The following SIN3B variants were observed in gnomAD, a reference collection of about 807,000 sequenced individuals.
The protein encoded by SIN3B is paired amphipathic helix protein Sin3b.
Under a neutral mutation model 120.2 loss-of-function variants are expected in SIN3B, and 19 were observed. The observed-to-expected ratio is 0.16, with a 90% CI of 0.11 to 0.23. The LOEUF is 0.23. SIN3B is among the 10% of genes least tolerant of loss of function. The pLI is 1.00. For missense variants in SIN3B, 1,073 were observed against 1,573.0 expected, an observed-to-expected ratio of 0.68 and a Z score of 5.38; for synonymous variants, 654 against 653.2, an observed-to-expected ratio of 1.00 and a Z score of -0.02.
At chr19:16,843,123 A>C (rs971597625) in intron 4 of SIN3B, among the ~76,000 whole-genome samples, 1 of 151,836 alleles carries the variant, frequency 6.6e-6, no homozygotes, top group African/African-American at 2.4e-5. Context: ...TTTGAAACAG[A>C]ATCTTGCGCT....
chr19:16,829,645 C>T lies in SIN3B; in HGVS notation c.120+105C>T, dbSNP rs1451286642. 5 of 1,275,424 alleles carry T rather than the reference C, an allele frequency of 3.9e-6. No homozygotes were observed. The African/African-American group carries it at 7.5e-5, about 19-fold the overall frequency. The allele number at this position is 1,275,424 out of a possible 1,614,324, so 79.0% of individuals were successfully genotyped here. ...CGGCCCCAGCCCCACCTCGGCCTCC[C>T]CTCTGCACTGCCCCGGACCCCTCAC... On this transcript the variant is annotated intron_variant, in intron 1 of 18. Coordinates refer to ENST00000248054, the MANE Select transcript of SIN3B (RefSeq NM_001297595.2).
chr19:16,869,986 G>A lies in SIN3B; in HGVS notation c.2333G>A (p.Arg778Gln), dbSNP rs939720992. 7.4e-6 allele frequency: 12 copies of A among 1,614,018 alleles called. No homozygotes were observed. The highest frequency in any genetic ancestry group is 3.3e-5 in the South Asian group (3 of 91,078). Residue 778 changes from arginine (R) to glutamine (Q), a missense_variant, in exon 13 of 19, where the codon CGG becomes CAG. Physicochemically the swap from Arg to Gln is conservative, Grantham distance 43. Coordinates refer to ENST00000248054, the MANE Select transcript of SIN3B (RefSeq NM_001297595.2). ...GCGCAGAAGCAGCTTCTGGAGTATC[G>A]GACCGAGAAGGAGCGGGAGAAGCTG... ...RQAQKQLLEYRTEKEREKLLC... is the reference protein window; with the variant it reads ...RQAQKQLLEYQTEKEREKLLC...
chr19:16,877,936 G>A (rs1398292465), intron 17 of SIN3B, among the ~76,000 whole-genome samples: 1 of 152,212 alleles, frequency 6.6e-6, no homozygotes, highest in Non-Finnish European at 1.5e-5. Flanking sequence ...CCAGGCCAGA[G>A]GCGGGTGGCT....
chr19:16,847,137 A>G, intron 5 of SIN3B, 24 bp downstream of exon 5: 3 of 1,597,850 alleles, frequency 1.9e-6, no homozygotes, highest in Non-Finnish European at 8.6e-7. Context: ...GCCCCTGCCC[A>G]GCCTCGGGGG....
At chr19:16,829,621 G>A in intron 1 of SIN3B, 81 bp downstream of exon 1, 1 of 737,978 alleles carries the variant, frequency 1.4e-6, no homozygotes, top group Non-Finnish European at 1.6e-6. Context: ...GGCCCCGCCC[G>A]GCCCCAGCCC....
In SIN3B at chr19:16,876,543, G is replaced by C. The variant is rs769666253; in HGVS notation, c.2824G>C (p.Glu942Gln). 1 of 1,613,462 alleles carries C rather than the reference G, an allele frequency of 6.2e-7. No homozygotes were observed. The highest frequency in any genetic ancestry group is 8.5e-7 in the Non-Finnish European group (1 of 1,179,894). Reference sequence around the variant, plus strand: ...CATGACCATCGAGCTCCTGGACACCGAGGAGGCCCAGACGGAGGACCCTGT... The same window carrying C: ...CATGACCATCGAGCTCCTGGACACCCAGGAGGCCCAGACGGAGGACCCTGT... Reference protein sequence around the residue: ...VIMTIELLDTEEAQTEDPVEV... With the variant: ...VIMTIELLDTQEAQTEDPVEV... Residue 942 changes from glutamate to glutamine, a missense_variant, in exon 16 of 19, where the codon GAG (glutamate) becomes CAG (glutamine). Around this residue, in one of 7 missense-constraint regions of SIN3B, gnomAD observed 311 missense variants for 400.3 expected, o/e 0.78. Transcript: ENST00000248054. The surrounding 1 kb of genome is among the most constrained non-coding windows in gnomAD (Gnocchi z 7.1).
At chr19:16,839,623 G>A (rs1356006117) in intron 3 of SIN3B, among the ~76,000 whole-genome samples, 1 of 152,040 alleles carries the variant, frequency 6.6e-6, no homozygotes, top group East Asian at 1.9e-4. Flanking sequence ...TGCTCGTTCC[G>A]ACCCCTTCTG....
chr19:16,857,543 GTGTGTGTGTGTA>G (rs1971632750), intron 8 of SIN3B, among the ~76,000 whole-genome samples: 1 of 142,508 alleles, frequency 7.0e-6, no homozygotes, highest in Non-Finnish European at 1.5e-5. Flanking sequence ...GTGTGTGTGT[GTGTGTGTGTGTA>G]TATATACACA....
intron 5 of SIN3B, among the ~76,000 whole-genome samples, chr19:16,850,314 A>C (rs1971528353): frequency 6.6e-6 from 1 of 152,174 alleles, no homozygotes; most frequent in African/African-American, 2.4e-5. Flanking sequence ...CATTCTTCTC[A>C]GAGGTTAGCA....
intron 3 of SIN3B, among the ~76,000 whole-genome samples, chr19:16,839,205 G>A (rs894037186): frequency 1.3e-5 from 2 of 151,662 alleles, no homozygotes; most frequent in African/African-American, 4.8e-5. Context: ...TGACTTCAAG[G>A]GATCTGTCCA....
At chr19:16,859,901 ACT>A in intron 8 of SIN3B, among the ~76,000 whole-genome samples, 1 of 151,826 alleles carries the variant, frequency 6.6e-6, no homozygotes, top group South Asian at 2.1e-4. Flanking sequence ...TGGAATTGGG[ACT>A]CTGCTTCCTA....
intron 14 of SIN3B, among the ~76,000 whole-genome samples, chr19:16,874,461 TTGGTCTGGTCTCATC>T (rs1028654559): frequency 6.6e-6 from 1 of 151,718 alleles, no homozygotes; most frequent in African/African-American, 2.4e-5. Context: ...TGGTCTGGTT[TTGGTCTGGTCTCATC>T]TGGTCTGGTG....
chr19:16,829,431 C>T lies in SIN3B; in HGVS notation c.11C>T (p.Ala4Val). 8.3e-7 allele frequency: 1 copy of T among 1,206,942 alleles called. No individual in the cohort carries two copies. The highest frequency in any genetic ancestry group is 1.0e-6 in the Non-Finnish European group (1 of 971,926). 74.8% of individuals were successfully genotyped at this position (1,206,942 alleles called of 1,614,324 possible). A position where few individuals can be genotyped will look rare whatever the true frequency, so the allele number is the denominator to read the frequency against. Reference sequence around the variant, plus strand: ...GCTCCGACTTCGGACATGGCGCACGCTGGCGGTGGCAGCGGTGGCAGCGGT... The same window carrying T: ...GCTCCGACTTCGGACATGGCGCACGTTGGCGGTGGCAGCGGTGGCAGCGGT... MAHAGGGSGGSGAG... is the reference protein window; with the variant it reads MAHVGGGSGGSGAG... Residue 4 changes from alanine (A) to valine (V), a missense_variant, in exon 1 of 19, where the codon GCT (alanine) becomes GTT (valine). Ala to Val is a moderately conservative substitution (Grantham distance 64, BLOSUM62 0). Coordinates refer to ENST00000248054, the MANE Select transcript of SIN3B (RefSeq NM_001297595.2).
chr19:16,866,250 G>A (rs1599608693), intron 11 of SIN3B, 123 bp from the exon 12 acceptor site: 6 of 922,484 alleles, frequency 6.5e-6, no homozygotes, highest in East Asian at 2.5e-5. Context: ...ACTAGGCTGG[G>A]AGCTGGCTGG....
intron 2 of SIN3B, among the ~76,000 whole-genome samples, chr19:16,830,537 C>T (rs1971265787): frequency 6.6e-6 from 1 of 152,148 alleles, no homozygotes; most frequent in Admixed American, 6.5e-5. Flanking sequence ...AAGGGACCCA[C>T]CTAAGTGGCA....
chr19:16,865,161 G>A (rs1037637155), intron 10 of SIN3B: 4 of 442,970 alleles, frequency 9.0e-6, no homozygotes, highest in East Asian at 3.7e-5. Context: ...AGGCATGGTG[G>A]TGCACACCTA....
intron 12 of SIN3B, 91 bp downstream of exon 12, chr19:16,866,647 G>A (rs1971778237): frequency 3.8e-6 from 5 of 1,315,644 alleles, no homozygotes; most frequent in Non-Finnish European, 5.4e-6. Context: ...CTGGTGGTTA[G>A]GCAGGGTAGT....
intron 12 of SIN3B, among the ~76,000 whole-genome samples, chr19:16,867,380 C>G (rs1448841879): frequency 6.6e-6 from 1 of 152,224 alleles, no homozygotes; most frequent in Non-Finnish European, 1.5e-5. Flanking sequence ...AGGCCTGAGT[C>G]ATAGAACCAA....
At chr19:16,830,891 G>A (rs1971269880) in intron 2 of SIN3B, among the ~76,000 whole-genome samples, 1 of 152,206 alleles carries the variant, frequency 6.6e-6, no homozygotes, top group Admixed American at 6.5e-5. Context: ...TGGAGTCCAG[G>A]CCTTGCGGTT....
Sources: allele counts gnomAD v4.1 joint callset (sites outside exome capture counted in the v4.1 genomes callset), GRCh38; gene constraint gnomAD v4.1.1; regional missense constraint gnomAD v4.1.1; non-coding constraint Gnocchi (gnomAD v3.1); transcripts MANE v1.5; gene names NCBI Gene and HGNC (gene_info 2026-07-23, HGNC 2026-07-21).